Variants in WDR75 observed in about 807,000 individuals in gnomAD.
WDR75 encodes the protein WD repeat domain 75, also known as WD repeat-containing protein 75.
Under a neutral mutation model 106.1 loss-of-function variants are expected in WDR75, and 52 were observed. That is an observed-to-expected ratio of 0.49 (90% confidence interval 0.39 to 0.62). WDR75 has a LOEUF of 0.62. Among genes scored for constraint, WDR75 ranks in the 20% least tolerant of loss-of-function variants. The pLI is 0.00. For missense variants in WDR75, 905 were observed against 970.3 expected (o/e 0.93, Z 0.89); for synonymous variants, 333 against 335.5 (o/e 0.99, Z 0.08).
At position 189,463,721 on chromosome 2, in the gene WDR75, A is replaced by C; in HGVS notation, c.965A>C (p.Glu322Ala). 1 of 1,613,850 alleles carries C rather than the reference A, an allele frequency of 6.2e-7. No individual in the cohort carries two copies. The highest frequency in any genetic ancestry group is 2.2e-5 in the East Asian group (1 of 44,870). Reference protein sequence around the residue: ...NKIIIIHRNLEASAVIQGLVK... With the variant: ...NKIIIIHRNLAASAVIQGLVK... ...ATAATAATTATTCACCGAAACCTTG[A>C]AGCATCCGCAGTAATTCAAGGCCTA... The change falls in exon 10 of 21, where the codon GAA becomes GCA. Residue 322 changes from glutamate (E) to alanine (A), a missense_variant. Transcript: ENST00000314761.
intron 20 of WDR75, 132 bp from the exon 21 acceptor site, chr2:189,475,081 T>C: frequency 1.3e-6 from 1 of 769,080 alleles, no homozygotes; most frequent in Non-Finnish European, 2.0e-6. Flanking sequence ...AACCCATAAT[T>C]TTTAAAGTGT....
chr2:189,464,572 ATAG>A (rs559560011), intron 11 of WDR75, among the ~76,000 whole-genome samples: 48 of 152,300 alleles, frequency 3.2e-4, no homozygotes, highest in Admixed American at 2.1e-3. Context: ...AGTACACTTA[ATAG>A]TAGGCATTTT....
At chr2:189,442,442 CTTTTTTTTTTT>C (rs1188214718) in intron 1 of WDR75, among the ~76,000 whole-genome samples, 20 of 73,956 alleles carry the variant, frequency 2.7e-4, no homozygotes, top group East Asian at 1.0e-3. Flanking sequence ...CCACAATATT[CTTTTTTTTTTT>C]TTTTTTTTTT....
intron 8 of WDR75, among the ~76,000 whole-genome samples, chr2:189,461,637 A>G (rs777792045): frequency 2.6e-5 from 4 of 152,180 alleles, no homozygotes; most frequent in Non-Finnish European, 4.4e-5. Flanking sequence ...TACTTATTCC[A>G]TAAGTTTATC....
At chr2:189,462,128 C>T (rs116271517) in intron 8 of WDR75, among the ~76,000 whole-genome samples, 3,654 of 151,856 alleles carry the variant, frequency 0.024, 157 homozygotes, top group African/African-American at 0.084. Context: ...TTTCATCTGT[C>T]GTGAAATCGG....
At chr2:189,466,305 C>T (rs1291919015) in intron 12 of WDR75, 120 bp from the exon 13 acceptor site, 4 of 1,084,518 alleles carry the variant, frequency 3.7e-6, no homozygotes, top group African/African-American at 1.6e-5. Context: ...TGTCATTCTA[C>T]GTGATTATCA....
intron 9 of WDR75, among the ~76,000 whole-genome samples, chr2:189,462,974 C>G (rs754464097): frequency 1.5e-4 from 23 of 152,060 alleles, no homozygotes; most frequent in Non-Finnish European, 3.1e-4. Flanking sequence ...TTTCATAAAC[C>G]TTCCGTTTTC....
intron 3 of WDR75, 49 bp from the exon 4 acceptor site, chr2:189,451,756 C>T (rs1394630919): frequency 1.3e-6 from 2 of 1,517,524 alleles, no homozygotes; most frequent in East Asian, 4.5e-5. Context: ...ATCTTATGTT[C>T]CACTGGAGGG....
At chr2:189,448,259 G>A (rs1026658886) in intron 1 of WDR75, 120 bp from the exon 2 acceptor site, 23 of 1,115,294 alleles carry the variant, frequency 2.1e-5, no homozygotes, top group African/African-American at 9.5e-5. Context: ...CCAGGCAGGC[G>A]TATCACTTGA....
rs552074318 is a variant in WDR75 at position 189,449,777 on chromosome 2, A to G, written c.217-1126A>G. 29 of 984,358 alleles carry G rather than the reference A, an allele frequency of 2.9e-5. 1 individual carries two copies. The East Asian group carries it at 2.9e-3, about 100-fold the overall frequency. 61.0% of individuals were successfully genotyped at this position (984,358 alleles called of 1,614,324 possible). A position where few individuals can be genotyped will look rare whatever the true frequency, so the allele number is the denominator to read the frequency against. On this transcript the variant is annotated intron_variant, in intron 2 of 20. Transcript: ENST00000314761. Reference sequence around the variant, plus strand: ...GCAGTAATTGTGATATAAATTTCCTAGTTTGTATAATTTTTTGACTTGGAT... The same window carrying G: ...GCAGTAATTGTGATATAAATTTCCTGGTTTGTATAATTTTTTGACTTGGAT...
intron 2 of WDR75, chr2:189,450,190 T>G (rs762427717): frequency 2.6e-4 from 257 of 984,068 alleles, no homozygotes; most frequent in Non-Finnish European, 3.0e-4. Flanking sequence ...GTATTGGTCC[T>G]TGATGGATTG....
chr2:189,455,552 A>G (rs1381913788), intron 5 of WDR75, 108 bp downstream of exon 5: 17 of 1,385,162 alleles, frequency 1.2e-5, no homozygotes, highest in East Asian at 1.2e-4. Flanking sequence ...TTGAATTACT[A>G]TATTTGTATT....
intron 18 of WDR75, 21 bp from the exon 19 acceptor site, chr2:189,474,165 C>G (rs543969093): frequency 1.3e-6 from 2 of 1,593,728 alleles, no homozygotes; most frequent in South Asian, 2.3e-5. Context: ...AATAATTTCT[C>G]TTTGTCTTAA....
chr2:189,462,391 G>A, intron 8 of WDR75, 93 bp from the exon 9 acceptor site: 1 of 1,392,446 alleles, frequency 7.2e-7, no homozygotes, highest in Non-Finnish European at 9.9e-7. Flanking sequence ...TATTTCTCTA[G>A]TACGGTAGCA....
At chr2:189,443,435 G>A (rs1022849046) in intron 1 of WDR75, among the ~76,000 whole-genome samples, 3 of 152,210 alleles carry the variant, frequency 2.0e-5, no homozygotes, top group African/African-American at 7.2e-5. Flanking sequence ...GACACGTGCA[G>A]CCAGTTGTTG....
intron 14 of WDR75, among the ~76,000 whole-genome samples, chr2:189,468,170 G>C (rs984596662): frequency 2.0e-5 from 3 of 151,942 alleles, no homozygotes; most frequent in African/African-American, 7.3e-5. Context: ...CTTCTTCTTG[G>C]TAAATAGGAT....
chr2:189,452,075 G>T, intron 4 of WDR75, 180 bp downstream of exon 4: 1 of 534,800 alleles, frequency 1.9e-6, no homozygotes, highest in Non-Finnish European at 3.3e-6. Flanking sequence ...GAAATATGCA[G>T]TGAGGGAGGG....
At position 189,465,328 on chromosome 2, in the gene WDR75, C is replaced by G. The variant is rs182262705; in HGVS notation, c.1289+74C>G. 712 of 1,419,858 alleles carry G rather than the reference C, an allele frequency of 5.0e-4. No individual in the cohort carries two copies. In the African/African-American group the frequency reaches 9.3e-3, roughly 18 times the overall value. 88.0% of individuals were successfully genotyped at this position (1,419,858 alleles called of 1,614,324 possible). ...CTTCCCATTTTACAGTTTCAATTGT[C>G]TTTAAGATGTTTCATCTTGACAAGG... On this transcript the variant is annotated intron_variant, in intron 12 of 20. Coordinates refer to ENST00000314761, the MANE Select transcript of WDR75 (RefSeq NM_032168.3).
chr2:189,468,606 C>T (rs769544948), intron 15 of WDR75, 37 bp downstream of exon 15: 12 of 1,597,404 alleles, frequency 7.5e-6, no homozygotes, highest in East Asian at 4.5e-5. Flanking sequence ...TCTGGCAAAG[C>T]GCATAAGGAG....
Sources: gnomAD v4.1 joint callset for allele counts (sites outside exome capture counted in the v4.1 genomes callset) on GRCh38, gnomAD v4.1.1 for gene constraint, MANE v1.5 for transcripts, NCBI Gene and HGNC (gene_info 2026-07-23, HGNC 2026-07-21) for gene names.